The following TJP1 variants were observed in gnomAD, a reference collection of about 807,000 sequenced individuals.
TJP1 encodes tight junction protein ZO-1.
TJP1 carries 43 observed loss-of-function variants against 194.2 expected under a neutral mutation model. The ratio of observed to expected loss-of-function variants is 0.22; its 90% CI spans 0.17 to 0.29. TJP1 has a LOEUF of 0.29. TJP1 is among the 10% of genes least tolerant of loss of function. The pLI is 1.00. For synonymous variants in TJP1, 801 were observed against 779.0 expected (o/e 1.03, Z -0.47); for missense variants, 1,971 against 2,185.7 (o/e 0.90, Z 1.96).
chr15:29,785,993 T>C (rs1362015317), intron 2 of TJP1, among the ~76,000 whole-genome samples: 1 of 152,208 alleles, frequency 6.6e-6, no homozygotes, highest in East Asian at 1.9e-4. Flanking sequence ...TTAATATACT[T>C]TGATTCCATG....
In TJP1 at chr15:29,911,762, C is replaced by T. The variant is rs539886281; in HGVS notation, c.306+44470G>A. ...GGGGAAACAGAGCCAAACCATATCA[C>T]GGAAGTTCAGTCTCATAATGAAAGC... On this transcript the variant is annotated intron_variant, in intron 2 of 28. Transcript: ENST00000356107. Among the ~76,000 whole-genome samples, 10 of 152,272 alleles carry T rather than the reference C, an allele frequency of 6.6e-5. No individual in the cohort carries two copies. In the South Asian group the frequency reaches 8.3e-4, roughly 13 times the overall value.
chr15:29,912,872 G>A (rs1718974), intron 2 of TJP1, among the ~76,000 whole-genome samples: 31,844 of 152,034 alleles, frequency 0.21, 3,627 homozygotes, highest in African/African-American at 0.3. Context: ...TTAAAAATAA[G>A]TTTTAAAAGC....
intron 2 of TJP1, among the ~76,000 whole-genome samples, chr15:29,786,366 TTCTAAA>T (rs992962678): frequency 3.9e-5 from 6 of 152,228 alleles, no homozygotes; most frequent in African/African-American, 1.4e-4. Context: ...ACCACCAATG[TTCTAAA>T]CAAACATTGG....
At chr15:29,922,594 T>C (rs2054401309) in intron 2 of TJP1, among the ~76,000 whole-genome samples, 1 of 152,202 alleles carries the variant, frequency 6.6e-6, no homozygotes, top group African/African-American at 2.4e-5. Context: ...TTAGCTGTGT[T>C]AGAAAATGTC....
chr15:29,882,735 G>A (rs967650761), intron 2 of TJP1, among the ~76,000 whole-genome samples: 7 of 152,150 alleles, frequency 4.6e-5, no homozygotes, highest in African/African-American at 1.7e-4. Context: ...TCAGTTTGAG[G>A]TTCCCTACAG....
chr15:29,881,867 A>C (rs1471833209), intron 2 of TJP1, among the ~76,000 whole-genome samples: 3 of 152,020 alleles, frequency 2.0e-5, no homozygotes, highest in African/African-American at 7.2e-5. Flanking sequence ...TTTCTGTGCT[A>C]CAGAAAGTAA....
At chr15:29,809,719 G>A (rs1196425720) in intron 1 of TJP1, among the ~76,000 whole-genome samples, 2 of 152,212 alleles carry the variant, frequency 1.3e-5, no homozygotes, top group Admixed American at 1.3e-4. Context: ...GGTGGCAGAT[G>A]CCTGCAATCC....
intron 2 of TJP1, among the ~76,000 whole-genome samples, chr15:29,950,263 GACC>G (rs1262134541): frequency 1.4e-5 from 1 of 70,298 alleles, no homozygotes; most frequent in South Asian, 5.4e-4. Context: ...CCACCTCTAT[GACC>G]ACCACCTCCA....
In TJP1 at chr15:29,700,718, T is replaced by C. The variant is rs2041487153; in HGVS notation, c.*877A>G. On this transcript the variant is annotated 3_prime_UTR_variant, in exon 28 of 28. Transcript: ENST00000614355. ...AGAACAGAAAACCACCACTGCCCCT[T>C]GTCAAAAAAAAAAAAAAAGAAAAGA... 1 of 241,814 alleles carries C rather than the reference T, an allele frequency of 4.1e-6. No individual in the cohort carries two copies. The highest frequency in any genetic ancestry group is 7.4e-6 in the Non-Finnish European group (1 of 135,994). 15.0% of individuals were successfully genotyped at this position (241,814 alleles called of 1,614,324 possible). A position where few individuals can be genotyped will look rare whatever the true frequency, so the allele number is the denominator to read the frequency against.
At chr15:29,798,564 G>A (rs1323019117) in intron 2 of TJP1, among the ~76,000 whole-genome samples, 2 of 152,060 alleles carry the variant, frequency 1.3e-5, no homozygotes, top group African/African-American at 2.4e-5. Flanking sequence ...ACGCAACAAC[G>A]GGAGCTCTTA....
intron 2 of TJP1, among the ~76,000 whole-genome samples, chr15:29,919,975 T>C (rs2054304949): frequency 1.3e-5 from 2 of 152,192 alleles, no homozygotes; most frequent in Non-Finnish European, 2.9e-5. Flanking sequence ...GGTTGAGTGC[T>C]AAGGTGGTAA....
At chr15:29,749,235 A>C (rs1440651963) in intron 8 of TJP1, among the ~76,000 whole-genome samples, 3 of 151,872 alleles carry the variant, frequency 2.0e-5, no homozygotes, top group Non-Finnish European at 4.4e-5. Context: ...TGAAAGCTCT[A>C]GACAAGACAG....
intron 23 of TJP1, among the ~76,000 whole-genome samples, chr15:29,713,415 C>T (rs1277238759): frequency 6.6e-6 from 1 of 152,220 alleles, no homozygotes; most frequent in East Asian, 1.9e-4. Flanking sequence ...TGGGTAATAT[C>T]TGCTTGCTTC....
Position 29,737,369 on chromosome 15 carries a change from A to C in TJP1, c.1302T>G (p.Gly434=), listed in dbSNP as rs1349278972. 1 of 1,614,128 alleles carries C rather than the reference A, an allele frequency of 6.2e-7. No individual in the cohort carries two copies. Among genetic ancestry groups the C allele is most frequent in the East Asian group, 2.2e-5 (1 of 44,874 alleles). Residue 434 remains glycine (G), a synonymous_variant, in exon 11 of 28, where the codon GGT becomes GGG. Transcript: ENST00000614355. ...CATCATTTCCACCAGCCAGCCGCAA[A>C]CCCACACTATCTCCTTTTCTGAATT... ...LVKFRKGDSV[G]LRLAGGNDVG...
intron 27 of TJP1, among the ~76,000 whole-genome samples, chr15:29,703,642 T>G (rs958118250): frequency 6.6e-6 from 1 of 151,916 alleles, no homozygotes; most frequent in Non-Finnish European, 1.5e-5. Context: ...TTTGGCCATA[T>G]TATCAAAAAA....
intron 2 of TJP1, among the ~76,000 whole-genome samples, chr15:29,903,782 T>C (rs971246365): frequency 6.6e-6 from 1 of 152,210 alleles, no homozygotes; most frequent in African/African-American, 2.4e-5. Flanking sequence ...AATTAGATAT[T>C]TGTCCTCTTT....
At chr15:29,849,040 T>G (rs1428545680) in intron 2 of TJP1, among the ~76,000 whole-genome samples, 2 of 152,160 alleles carry the variant, frequency 1.3e-5, no homozygotes, top group East Asian at 3.9e-4. Context: ...ATGTAACATC[T>G]CTGAAACATA....
At position 29,967,053 on chromosome 15, in the gene TJP1, G is replaced by A. The variant is rs940901163; in HGVS notation, c.173+1614C>T. On this transcript the variant is annotated intron_variant, in intron 1 of 28. Coordinates refer to the TJP1 transcript ENST00000356107. Reference sequence around the variant, plus strand: ...TTTTTGAAATAGGAGTCTCACTCTCGCCCAGGCTGGAGTGCAGTGGCATGA... The same window carrying A: ...TTTTTGAAATAGGAGTCTCACTCTCACCCAGGCTGGAGTGCAGTGGCATGA... Among the ~76,000 whole-genome samples, 6 of 148,320 alleles carry A rather than the reference G, an allele frequency of 4.0e-5. No individual in the cohort carries two copies. The Admixed American group carries it at 4.1e-4, about 10-fold the overall frequency.
chr15:29,751,863 T>A (rs531140450), intron 8 of TJP1, among the ~76,000 whole-genome samples: 1 of 152,356 alleles, frequency 6.6e-6, no homozygotes, highest in East Asian at 1.9e-4. Context: ...AATATTGTAC[T>A]TGTAGAAGAA....
Sources: gnomAD v4.1 joint callset for allele counts (sites outside exome capture counted in the v4.1 genomes callset) on GRCh38, gnomAD v4.1.1 for gene constraint, MANE v1.5 for transcripts, NCBI Gene and HGNC (gene_info 2026-07-23, HGNC 2026-07-21) for gene names.